Variants in UBAP2L observed in about 807,000 individuals in gnomAD.
The protein encoded by UBAP2L is ubiquitin associated protein 2 like, also known as ubiquitin-associated protein 2-like.
In UBAP2L, 12 loss-of-function variants were observed where a neutral mutation model predicts 130.6. The observed-to-expected ratio is 0.09, with a 90% CI of 0.06 to 0.15. The LOEUF is 0.15. Ranked by LOEUF, UBAP2L falls within the 10% of genes least tolerant of loss-of-function variation. The pLI is 1.00. For missense variants in UBAP2L, 965 were observed against 1,332.5 expected (o/e 0.72, Z 4.29); for synonymous variants, 503 against 524.7 (o/e 0.96, Z 0.57).
intron 10 of UBAP2L, among the ~76,000 whole-genome samples, chr1:154,244,108 A>G (rs1003346447): frequency 6.6e-6 from 1 of 152,086 alleles, no homozygotes; most frequent in African/African-American, 2.4e-5. Flanking sequence ...TAGGAGATAC[A>G]CTCTTCAGGG....
At chr1:154,242,321 G>T (rs969753924) in intron 9 of UBAP2L, among the ~76,000 whole-genome samples, 2 of 152,224 alleles carry the variant, frequency 1.3e-5, no homozygotes, top group Non-Finnish European at 2.9e-5. Context: ...CAGCTTTTGT[G>T]ATAAGAGGAA....
chr1:154,238,723 C>T (rs1222681769), intron 8 of UBAP2L, among the ~76,000 whole-genome samples: 1 of 151,816 alleles, frequency 6.6e-6, no homozygotes, highest in Non-Finnish European at 1.5e-5. Flanking sequence ...TTCCCATTGT[C>T]ATTAATTTTT....
In UBAP2L at chr1:154,228,688, G is replaced by A; in HGVS notation, c.242G>A (p.Arg81Lys). Reference protein sequence around the residue: ...ALHDCNGDVNRAINVLLEGNP... With the variant: ...ALHDCNGDVNKAINVLLEGNP... ...CATGACTGCAATGGAGATGTCAACA[G>A]AGCTATCAATGTTCTTCTGGAAGGA... Residue 81 changes from arginine to lysine, a missense_variant, in exon 4 of 27, where the codon AGA becomes AAA. This residue lies in a region of UBAP2L where 34 missense variants were observed against 101.4 expected (regional missense o/e 0.34). Coordinates refer to ENST00000428931, the MANE Select transcript of UBAP2L (RefSeq NM_014847.4). The A allele has an allele frequency of 6.2e-7, 1 of 1,613,368 alleles. No homozygotes were observed. Among genetic ancestry groups the A allele is most frequent in the Non-Finnish European group, 8.5e-7 (1 of 1,179,800 alleles).
In UBAP2L at chr1:154,253,984, C is replaced by T; in HGVS notation, c.1749C>T (p.Ser583=). The T allele has an allele frequency of 6.2e-7, 1 of 1,613,950 alleles. No individual in the cohort carries two copies. Among genetic ancestry groups the T allele is most frequent in the Non-Finnish European group, 8.5e-7 (1 of 1,179,966 alleles). Reference sequence around the variant, plus strand: ...CAATTCAGTCGACAACCTATACCTCCCAAAATAATGCTCAGGGCCCTCTTT... The same window carrying T: ...CAATTCAGTCGACAACCTATACCTCTCAAAATAATGCTCAGGGCCCTCTTT... ...SGPIQSTTYT[S]QNNAQGPLYE... is the part of the protein sequence containing the mutation. The change falls in exon 15 of 27, where the codon TCC becomes TCT. Residue 583 remains serine, a synonymous_variant. Transcript: ENST00000428931.
In UBAP2L at chr1:154,249,289, C is replaced by CAGT; in HGVS notation, c.1067_1069dup (p.Ser356dup). On this transcript the variant is annotated inframe_insertion, in exon 12 of 27. Transcript: ENST00000428931. ...GTGATGTCGGTGAAGCTAAAGGCGG[C>CAGT]AGTACTACAGGCTCCCAGTTCTTGG... is the stretch of plus-strand genomic sequence containing the variant. The CAGT allele has an allele frequency of 6.2e-7, 1 of 1,614,130 alleles. No homozygotes were observed. Among genetic ancestry groups the CAGT allele is most frequent in the Middle Eastern group, 1.6e-4 (1 of 6,062 alleles).
At chr1:154,253,297 C>T (rs148953673) in intron 14 of UBAP2L, among the ~76,000 whole-genome samples, 72 of 152,216 alleles carry the variant, frequency 4.7e-4, no homozygotes, top group African/African-American at 1.5e-3. Flanking sequence ...CCACGGCTTC[C>T]GGGTCCACTT....
intron 21 of UBAP2L, 85 bp downstream of exon 21, chr1:154,259,115 T>G: frequency 2.4e-6 from 3 of 1,240,254 alleles, no homozygotes; most frequent in Non-Finnish European, 3.6e-6. Flanking sequence ...GACATAGCTC[T>G]TTCCCATCCC....
chr1:154,249,194 A>C (rs758566459), intron 11 of UBAP2L, 45 bp from the exon 12 acceptor site: 2 of 1,598,986 alleles, frequency 1.3e-6, no homozygotes, highest in South Asian at 2.2e-5. Flanking sequence ...TAGCTGAACA[A>C]GGTTACTGGC....
intron 21 of UBAP2L, 69 bp downstream of exon 21, chr1:154,259,099 G>A (rs1007427192): frequency 1.8e-5 from 24 of 1,347,700 alleles, no homozygotes; most frequent in African/African-American, 2.9e-5. Flanking sequence ...AATTATCTCC[G>A]TCACAGACAT....
chr1:154,249,927 G>GGGTTTTAA (rs140702040), intron 12 of UBAP2L, among the ~76,000 whole-genome samples: 1,693 of 151,654 alleles, frequency 0.011, 34 homozygotes, highest in African/African-American at 0.038. Context: ...CTGTTGATTG[G>GGGTTTTAA]GGTTTTAATT....
chr1:154,270,761 TTTTTTTTTG>T lies in UBAP2L; in HGVS notation c.*475_*483del, dbSNP rs1414441047. 60 of 1,226,054 alleles carry T rather than the reference TTTTTTTTTG, an allele frequency of 4.9e-5. No homozygotes were observed. Among genetic ancestry groups the T allele is most frequent in the South Asian group, 3.4e-4 (17 of 50,738 alleles). 75.9% of individuals were successfully genotyped at this position (1,226,054 alleles called of 1,614,324 possible). ...TGTCAGATGAATTAGTTGAAGTGGTTTTTTTTTTGTTTTTTTTTTTTTTTTGTACTGTGT... is the reference window on the plus strand; with the variant it reads ...TGTCAGATGAATTAGTTGAAGTGGTTTTTTTTTTTTTTTTTTGTACTGTGT... On this transcript the variant is annotated 3_prime_UTR_variant, in exon 27 of 27. Transcript: ENST00000428931.
chr1:154,236,520 A>G (rs1237244553), intron 6 of UBAP2L, 46 bp from the exon 7 acceptor site: 22 of 1,608,946 alleles, frequency 1.4e-5, no homozygotes, highest in Non-Finnish European at 1.7e-5. Context: ...TTTTATATCA[A>G]CTTCTAAAAT....
Position 154,228,770 on chromosome 1 carries a change from G to T in UBAP2L, c.279+45G>T, listed in dbSNP as rs748099725. On this transcript the variant is annotated intron_variant, in intron 4 of 26. Coordinates refer to ENST00000428931, the MANE Select transcript of UBAP2L (RefSeq NM_014847.4). Reference sequence around the variant, plus strand: ...TTCTAGGACATGGGTCCTCAATTGGGAGGCTAGTAATGTTCTAAAAGTAGC... The same window carrying T: ...TTCTAGGACATGGGTCCTCAATTGGTAGGCTAGTAATGTTCTAAAAGTAGC... The T allele has an allele frequency of 2.1e-6, 3 of 1,455,594 alleles. No individual in the cohort carries two copies. In the Admixed American group the frequency reaches 5.3e-5, roughly 26 times the overall value. 90.2% of individuals were successfully genotyped at this position (1,455,594 alleles called of 1,614,324 possible). A position where few individuals can be genotyped will look rare whatever the true frequency, so the allele number is the denominator to read the frequency against.
chr1:154,255,236 T>C lies in UBAP2L; in HGVS notation c.1994T>C (p.Leu665Ser). 6.2e-7 allele frequency: 1 copy of C among 1,614,228 alleles called. No individual in the cohort carries two copies. The highest frequency in any genetic ancestry group is 8.5e-7 in the Non-Finnish European group (1 of 1,180,038). The change falls in exon 17 of 27, where the codon TTA (leucine) becomes TCA (serine). Residue 665 changes from leucine (L) to serine (S), a missense_variant. Leu to Ser is a moderately radical substitution (Grantham distance 145). Around this residue, in one of 9 missense-constraint regions of UBAP2L, gnomAD observed 393 missense variants for 408.1 expected, o/e 0.96. Coordinates refer to ENST00000428931, the MANE Select transcript of UBAP2L (RefSeq NM_014847.4). ...PLNETVSAAS[L>S]LTTTNQHSSS... ...AATGAAACGGTATCTGCAGCTTCCT[T>C]ACTGACGACAACCAATCAGCATTCA... is the stretch of plus-strand genomic sequence containing the variant.
chr1:154,269,564 T>TCTCTCCTCCTCCCC (rs1553286627), intron 26 of UBAP2L: 3 of 446,100 alleles, frequency 6.7e-6, no homozygotes, highest in African/African-American at 6.1e-5. Flanking sequence ...CTCCCCTTCC[T>TCTCTCCTCCTCCCC]CTCTCCTCCT....
intron 11 of UBAP2L, among the ~76,000 whole-genome samples, chr1:154,248,810 T>C (rs1037735576): frequency 1.3e-5 from 2 of 152,136 alleles, no homozygotes; most frequent in Admixed American, 6.5e-5. Flanking sequence ...AGCGAGACTC[T>C]GTCTCAAAAA....
chr1:154,256,836 G>A (rs1679846514), intron 18 of UBAP2L, among the ~76,000 whole-genome samples: 1 of 152,322 alleles, frequency 6.6e-6, no homozygotes, highest in East Asian at 1.9e-4. Context: ...ATGATGATGT[G>A]CAGTGAGTCT....
intron 4 of UBAP2L, among the ~76,000 whole-genome samples, chr1:154,229,754 G>A (rs1571621772): frequency 1.3e-5 from 2 of 152,272 alleles, no homozygotes; most frequent in Admixed American, 1.3e-4. Flanking sequence ...ATGAGCCACC[G>A]CACCTGGCCC....
At chr1:154,242,978 A>G (rs1429754485) in intron 9 of UBAP2L, 2 of 308,504 alleles carry the variant, frequency 6.5e-6, no homozygotes, top group Non-Finnish European at 1.2e-5. Context: ...CAGTATGCAT[A>G]TGATCATGTG....
Sources: allele counts gnomAD v4.1 joint callset (sites outside exome capture counted in the v4.1 genomes callset), GRCh38; gene constraint gnomAD v4.1.1; regional missense constraint gnomAD v4.1.1; transcripts MANE v1.5; gene names NCBI Gene and HGNC (gene_info 2026-07-23, HGNC 2026-07-21).